Variants in STPG2 observed in about 807,000 individuals in gnomAD.
The protein encoded by STPG2 is sperm-tail PG-rich repeat-containing protein 2.
STPG2 carries 56 observed loss-of-function variants against 54.2 expected under a neutral mutation model. The ratio of observed to expected loss-of-function variants is 1.03; its 90% CI spans 0.83 to 1.29. STPG2 has a LOEUF of 1.29. Among genes scored for constraint, STPG2 ranks in the 50% most tolerant of loss-of-function variants. The pLI, the probability that STPG2 is intolerant of heterozygous loss-of-function variation, is 0.00. For missense variants in STPG2, 596 were observed against 544.9 expected (o/e 1.09, Z -0.93); for synonymous variants, 200 against 181.8 (o/e 1.10, Z -0.81).
At chr4:97,902,543 A>G (rs1378264321) in intron 8 of STPG2, among the ~76,000 whole-genome samples, 1 of 152,162 alleles carries the variant, frequency 6.6e-6, no homozygotes, top group Non-Finnish European at 1.5e-5. Context: ...TATATGAACT[A>G]ATGCTCAACA....
intron 4 of STPG2, among the ~76,000 whole-genome samples, chr4:97,534,360 A>G (rs2148855575): frequency 6.6e-6 from 1 of 152,210 alleles, no homozygotes; most frequent in Non-Finnish European, 1.5e-5. Context: ...CCCTATGCAG[A>G]CTTACACATC....
chr4:97,662,538 C>A (rs932450626), intron 10 of STPG2, among the ~76,000 whole-genome samples: 1 of 152,102 alleles, frequency 6.6e-6, no homozygotes, highest in Non-Finnish European at 1.5e-5. Flanking sequence ...ATAAATCATT[C>A]TACCAAAAAG....
At chr4:97,684,737 T>A (rs886973248) in intron 10 of STPG2, among the ~76,000 whole-genome samples, 1 of 151,802 alleles carries the variant, frequency 6.6e-6, no homozygotes, top group African/African-American at 2.4e-5. Context: ...AAGCAAAAAT[T>A]TGATAAGTTG....
At chr4:97,452,117 CCCA>C (rs1434945860) in intron 4 of STPG2, among the ~76,000 whole-genome samples, 52 of 27,824 alleles carry the variant, frequency 1.9e-3, no homozygotes, top group South Asian at 5.2e-3. Context: ...GAGCCCCGCC[CCCA>C]CCCCCCCCCC....
chr4:97,848,245 T>G (rs1174891725), intron 8 of STPG2, among the ~76,000 whole-genome samples: 1 of 152,192 alleles, frequency 6.6e-6, no homozygotes, highest in Non-Finnish European at 1.5e-5. Context: ...TCTTCTGAAT[T>G]ATTTTATTAT....
At chr4:97,572,097 GTCTTAACTATGTATTT>G (rs1310445493) in intron 10 of STPG2, among the ~76,000 whole-genome samples, 1 of 152,072 alleles carries the variant, frequency 6.6e-6, no homozygotes. Flanking sequence ...CAGACTATTG[GTCTTAACTATGTATTT>G]TATTTCTAAT....
intron 4 of STPG2, among the ~76,000 whole-genome samples, chr4:97,464,946 A>G (rs1183762116): frequency 2.0e-5 from 3 of 152,102 alleles, no homozygotes; most frequent in Non-Finnish European, 4.4e-5. Context: ...TAGTTTCAGA[A>G]TTGTATTAGG....
At chr4:97,904,327 C>A (rs545711232) in intron 8 of STPG2, among the ~76,000 whole-genome samples, 9 of 152,322 alleles carry the variant, frequency 5.9e-5, no homozygotes, top group African/African-American at 7.2e-5. Context: ...GAGGCACCCC[C>A]CAGCAGGGGC....
chr4:97,894,362 T>C (rs1446193612), intron 8 of STPG2, among the ~76,000 whole-genome samples: 5 of 151,990 alleles, frequency 3.3e-5, no homozygotes, highest in Non-Finnish European at 7.4e-5. Flanking sequence ...TACAATGTAG[T>C]ACAATTTCCC....
intron 5 of STPG2, among the ~76,000 whole-genome samples, chr4:98,050,568 G>C (rs1227632981): frequency 6.6e-6 from 1 of 152,184 alleles, no homozygotes; most frequent in African/African-American, 2.4e-5. Flanking sequence ...CATACTCACA[G>C]GAGTTGAGGA....
intron 4 of STPG2, among the ~76,000 whole-genome samples, chr4:97,506,018 CCAA>C (rs1730835885): frequency 3.2e-5 from 1 of 31,162 alleles, no homozygotes; most frequent in Non-Finnish European, 5.9e-5. Context: ...AAATAGGAGA[CCAA>C]AAAAAAAAAA....
chr4:97,811,207 A>C (rs1727730222), intron 9 of STPG2, among the ~76,000 whole-genome samples: 2 of 152,168 alleles, frequency 1.3e-5, no homozygotes, highest in African/African-American at 4.8e-5. Flanking sequence ...TAAAAAAAAA[A>C]AAATCCGTTG....
intron 10 of STPG2, among the ~76,000 whole-genome samples, chr4:97,625,380 G>A (rs1201632138): frequency 2.0e-5 from 3 of 152,092 alleles, no homozygotes; most frequent in East Asian, 1.9e-4. Flanking sequence ...GCACAATCTC[G>A]GCCCATGCAA....
At chr4:97,464,213 GA>G (rs1024086660) in intron 4 of STPG2, among the ~76,000 whole-genome samples, 4 of 152,116 alleles carry the variant, frequency 2.6e-5, no homozygotes, top group African/African-American at 7.2e-5. Flanking sequence ...ATATTTGGGG[GA>G]AAAACATAAA....
chr4:97,570,296 A>G (rs1181248461), intron 10 of STPG2, among the ~76,000 whole-genome samples: 2 of 152,176 alleles, frequency 1.3e-5, no homozygotes, highest in Non-Finnish European at 2.9e-5. Context: ...ACTCGGTTTT[A>G]TAATACATAT....
intron 9 of STPG2, among the ~76,000 whole-genome samples, chr4:97,757,436 T>C (rs1378141114): frequency 2.0e-5 from 3 of 152,208 alleles, no homozygotes; most frequent in Non-Finnish European, 4.4e-5. Flanking sequence ...AGATTGAGTC[T>C]CAAGTGCAAT....
At chr4:97,893,871 A>C (rs1578662053) in intron 8 of STPG2, among the ~76,000 whole-genome samples, 1 of 152,052 alleles carries the variant, frequency 6.6e-6, no homozygotes, top group Non-Finnish European at 1.5e-5. Context: ...CATTTGTCTG[A>C]GTCCCCTAAA....
intron 10 of STPG2, among the ~76,000 whole-genome samples, chr4:97,678,255 C>T (rs1722916762): frequency 6.6e-6 from 1 of 151,990 alleles, no homozygotes; most frequent in African/African-American, 2.4e-5. Flanking sequence ...CAGTAATGAG[C>T]ACACATAGCT....
chr4:98,020,508 G>A (rs574815519), intron 5 of STPG2, among the ~76,000 whole-genome samples: 85 of 151,968 alleles, frequency 5.6e-4, no homozygotes, highest in African/African-American at 2.1e-3. Context: ...GCCCGGCTTT[G>A]GTATCAGGAT....
Sources: gnomAD v4.1 joint callset for allele counts (sites outside exome capture counted in the v4.1 genomes callset) on GRCh38, gnomAD v4.1.1 for gene constraint, MANE v1.5 for transcripts, NCBI Gene and HGNC (gene_info 2026-07-23, HGNC 2026-07-21) for gene names.